Variants in MTMR3 observed in about 807,000 individuals in gnomAD.
MTMR3 encodes phosphatidylinositol-3,5-bisphosphate 3-phosphatase MTMR3.
MTMR3 carries 32 observed loss-of-function variants against 132.4 expected under a neutral mutation model. The ratio of observed to expected loss-of-function variants is 0.24; its 90% CI spans 0.18 to 0.32. The LOEUF (loss-of-function observed/expected upper bound fraction) is 0.32, where lower values mean the gene tolerates loss of function less well. Among genes scored for constraint, MTMR3 ranks in the 10% least tolerant of loss-of-function variants. The pLI, the probability that MTMR3 is intolerant of heterozygous loss-of-function variation, is 1.00. For synonymous variants in MTMR3, 556 were observed against 550.3 expected, an observed-to-expected ratio of 1.01 and a Z score of -0.14; for missense variants, 1,216 against 1,489.6, an observed-to-expected ratio of 0.82 and a Z score of 3.02.
At chr22:29,895,320 A>G (rs2064873164) in intron 1 of MTMR3, among the ~76,000 whole-genome samples, 1 of 152,206 alleles carries the variant, frequency 6.6e-6, no homozygotes, top group African/African-American at 2.4e-5. Context: ...CTAGGCCCAA[A>G]CAGATCTTCA....
chr22:29,906,919 A>AAAAT, intron 1 of MTMR3, among the ~76,000 whole-genome samples: 1 of 152,002 alleles, frequency 6.6e-6, no homozygotes, highest in East Asian at 2.0e-4. Context: ...CTCTACTAAA[A>AAAAT]ACACAAAAAT....
At chr22:29,999,578 A>G (rs961215985) in intron 8 of MTMR3, 1 of 152,242 alleles carries the variant, frequency 6.6e-6, no homozygotes, top group Non-Finnish European at 1.5e-5. Context: ...CACTTGTGGC[A>G]TTATGTCAGC....
At position 29,952,408 on chromosome 22, in the gene MTMR3, G is replaced by T. The variant is rs1261094632; in HGVS notation, c.-137-4628G>T. Among the ~76,000 whole-genome samples the T allele has an allele frequency of 5.0e-5, 6 of 119,792 alleles. No homozygotes were observed. The East Asian group carries it at 6.7e-4, about 13-fold the overall frequency. 78.6% of individuals were successfully genotyped at this position (119,792 alleles called of 152,430 possible). On this transcript the variant is annotated intron_variant, in intron 1 of 19. Transcript: ENST00000401950. Reference sequence around the variant, plus strand: ...GACACATAGCTTCTGGTGTGTGTGTGTGTTTTTTTTTTTAAAATCATGTTA... The same window carrying T: ...GACACATAGCTTCTGGTGTGTGTGTTTGTTTTTTTTTTTAAAATCATGTTA...
chr22:29,970,453 C>G (rs929621923), intron 2 of MTMR3, among the ~76,000 whole-genome samples: 2 of 150,338 alleles, frequency 1.3e-5, no homozygotes, highest in African/African-American at 4.9e-5. Flanking sequence ...CCCACCTCAT[C>G]CTCCTGAGTA....
chr22:29,931,260 T>C (rs1224098077), intron 1 of MTMR3, among the ~76,000 whole-genome samples: 1 of 152,158 alleles, frequency 6.6e-6, no homozygotes, highest in Non-Finnish European at 1.5e-5. Flanking sequence ...AATCTACCCC[T>C]TTTTCCATAC....
chr22:30,009,697 A>C (rs1480959591), intron 12 of MTMR3: 1 of 152,534 alleles, frequency 6.6e-6, no homozygotes, highest in East Asian at 1.9e-4. Context: ...TGCAGTGAGG[A>C]AGGTGAACTA....
chr22:29,961,098 A>ATAAATATGTG (rs1304678604), intron 2 of MTMR3, among the ~76,000 whole-genome samples: 1 of 152,166 alleles, frequency 6.6e-6, no homozygotes, highest in Admixed American at 6.5e-5. Context: ...TTGAAAACTT[A>ATAAATATGTG]TGGCAAGTTG....
intron 2 of MTMR3, 59 bp from the exon 3 acceptor site, chr22:29,970,917 A>G: frequency 1.4e-6 from 1 of 738,108 alleles, no homozygotes. Flanking sequence ...AACTATTGCC[A>G]ATTTTGCCTC....
At chr22:29,900,133 G>GT (rs897548962) in intron 1 of MTMR3, among the ~76,000 whole-genome samples, 13 of 152,214 alleles carry the variant, frequency 8.5e-5, no homozygotes, top group African/African-American at 2.6e-4. Context: ...TAAATTGGAG[G>GT]TTTTTTGGGG....
chr22:30,019,334 C>T (rs1378219830), intron 16 of MTMR3, 146 bp from the exon 17 acceptor site: 2 of 745,658 alleles, frequency 2.7e-6, no homozygotes, highest in African/African-American at 3.5e-5. Context: ...CTCCAGCAGT[C>T]TGGGCCTCGC....
intron 1 of MTMR3, among the ~76,000 whole-genome samples, chr22:29,949,245 T>C (rs1208321855): frequency 6.9e-6 from 1 of 145,494 alleles, no homozygotes; most frequent in Non-Finnish European, 1.5e-5. Context: ...CCCAGCACTT[T>C]GGGAGGCCAA....
chr22:29,928,431 C>A (rs1396917599), intron 1 of MTMR3, among the ~76,000 whole-genome samples: 1 of 152,050 alleles, frequency 6.6e-6, no homozygotes, highest in Admixed American at 6.6e-5. Context: ...CTTGGTCTCC[C>A]AAAGTGGTGG....
intron 2 of MTMR3, among the ~76,000 whole-genome samples, chr22:29,961,980 CT>C (rs2066321256): frequency 1.3e-5 from 2 of 152,178 alleles, no homozygotes; most frequent in Non-Finnish European, 2.9e-5. Context: ...ACCATATAGC[CT>C]AGGTGTGTAG....
chr22:29,940,304 G>A (rs916825123), intron 1 of MTMR3, among the ~76,000 whole-genome samples: 6 of 152,006 alleles, frequency 3.9e-5, no homozygotes, highest in African/African-American at 7.2e-5. Flanking sequence ...TTCTCCCTGC[G>A]CTTGAGAATG....
At chr22:29,960,106 A>C (rs1005153480) in intron 2 of MTMR3, among the ~76,000 whole-genome samples, 2 of 152,090 alleles carry the variant, frequency 1.3e-5, no homozygotes, top group African/African-American at 4.8e-5. Flanking sequence ...GTTTGAAGAG[A>C]AAGATGTAAA....
chr22:29,937,554 C>T (rs542155465), intron 1 of MTMR3, among the ~76,000 whole-genome samples: 1 of 152,122 alleles, frequency 6.6e-6, no homozygotes, highest in South Asian at 2.1e-4. Context: ...GTAGCGGGGA[C>T]TATAGGCTAC....
intron 1 of MTMR3, among the ~76,000 whole-genome samples, chr22:29,904,401 G>A (rs2065056444): frequency 6.6e-6 from 1 of 152,228 alleles, no homozygotes; most frequent in South Asian, 2.1e-4. Context: ...CAGGTTGGAT[G>A]CTGTTTCCAC....
intron 1 of MTMR3, among the ~76,000 whole-genome samples, chr22:29,917,473 C>T (rs1369925952): frequency 6.6e-6 from 1 of 152,154 alleles, no homozygotes; most frequent in Non-Finnish European, 1.5e-5. Flanking sequence ...ACAGGGAGAA[C>T]GCGTCTCTTA....
chr22:29,957,540 C>G (rs1241570446), intron 2 of MTMR3, among the ~76,000 whole-genome samples: 1 of 151,938 alleles, frequency 6.6e-6, no homozygotes. Context: ...CAGCCTTGAA[C>G]CCCTGGGCTA....
Sources: gnomAD v4.1 joint callset for allele counts (sites outside exome capture counted in the v4.1 genomes callset) on GRCh38, gnomAD v4.1.1 for gene constraint, MANE v1.5 for transcripts, NCBI Gene and HGNC (gene_info 2026-07-23, HGNC 2026-07-21) for gene names.